Variants in PCBP3 observed in about 807,000 individuals in gnomAD.
The protein encoded by PCBP3 is poly(rC) binding protein 3.
Under a neutral mutation model 52.7 loss-of-function variants are expected in PCBP3, and 25 were observed. The observed-to-expected ratio is 0.47, with a 90% CI of 0.35 to 0.66. The LOEUF is 0.66. PCBP3 is among the 30% of genes least tolerant of loss of function. The pLI is 0.01. For synonymous variants in PCBP3, 162 were observed against 183.0 expected, an observed-to-expected ratio of 0.89 and a Z score of 0.93; for missense variants, 391 against 490.3, an observed-to-expected ratio of 0.80 and a Z score of 1.91.
chr21:45,809,354 C>A (rs1052106741), intron 4 of PCBP3, among the ~76,000 whole-genome samples: 16 of 152,144 alleles, frequency 1.1e-4, no homozygotes, highest in Non-Finnish European at 1.9e-4. Context: ...TTAGGAAAAC[C>A]ATTTCCACTC....
At chr21:45,770,133 C>T (rs545778545) in intron 4 of PCBP3, among the ~76,000 whole-genome samples, 3 of 152,324 alleles carry the variant, frequency 2.0e-5, no homozygotes, top group East Asian at 1.9e-4. Flanking sequence ...TCCTTGTGTC[C>T]GTCTGAACGG....
chr21:45,697,728 C>A (rs1394854516), intron 2 of PCBP3, among the ~76,000 whole-genome samples: 2 of 149,968 alleles, frequency 1.3e-5, no homozygotes, highest in African/African-American at 4.9e-5. Flanking sequence ...GCACTCCAGC[C>A]TGGGCAACAG....
At chr21:45,824,263 G>A (rs1171937080) in intron 4 of PCBP3, among the ~76,000 whole-genome samples, 1 of 152,152 alleles carries the variant, frequency 6.6e-6, no homozygotes, top group Admixed American at 6.5e-5. Flanking sequence ...GCCCTCAGGT[G>A]CAAGTCCCTT....
At chr21:45,683,553 AGATTCTC>A (rs1371650116) in intron 2 of PCBP3, among the ~76,000 whole-genome samples, 1 of 152,228 alleles carries the variant, frequency 6.6e-6, no homozygotes, top group Non-Finnish European at 1.5e-5. Context: ...ATGGAATGGC[AGATTCTC>A]TACAAAGTCA....
chr21:45,842,820 G>A (rs1245381064), intron 4 of PCBP3, among the ~76,000 whole-genome samples: 1 of 152,210 alleles, frequency 6.6e-6, no homozygotes, highest in Non-Finnish European at 1.5e-5. Flanking sequence ...GGAAGCCGAG[G>A]CTCTCAGCTC....
At chr21:45,906,027 G>A (rs1046294144) in intron 9 of PCBP3, among the ~76,000 whole-genome samples, 8 of 152,192 alleles carry the variant, frequency 5.3e-5, no homozygotes, top group South Asian at 2.1e-4. Context: ...GAACTGAATC[G>A]CTAGGGAGAT....
rs1239353743 is a variant in PCBP3, at chr21:45,656,493, G to A, written c.-278-12381G>A. Among the ~76,000 whole-genome samples, 1 of 152,136 alleles carries A rather than the reference G, an allele frequency of 6.6e-6. No homozygotes were observed. Among genetic ancestry groups the A allele is most frequent in the African/African-American group, 2.4e-5 (1 of 41,404 alleles). ...GAACATCATACACCAGGGCCTGTCG[G>A]TGGTGGGGGCCTAGGGGAGGGATAG... On this transcript the variant is annotated intron_variant, in intron 1 of 17. Transcript: ENST00000681687. This position sits in a 1 kb window ranked among gnomAD's most constrained non-coding sequence, Gnocchi z 4.3.
intron 4 of PCBP3, among the ~76,000 whole-genome samples, chr21:45,783,242 G>A (rs2090779613): frequency 1.3e-5 from 2 of 152,248 alleles, no homozygotes; most frequent in African/African-American, 2.4e-5. Context: ...TTCCATGTGC[G>A]ATTGGCCATT....
In PCBP3 at chr21:45,896,253, G is replaced by T; in HGVS notation, c.56G>T (p.Ser19Ile). 1 of 1,552,168 alleles carries T rather than the reference G, an allele frequency of 6.4e-7. No individual in the cohort carries two copies. The highest frequency in any genetic ancestry group is 8.7e-7 in the Non-Finnish European group (1 of 1,147,104). The change falls in exon 6 of 18, where the codon AGC (serine) becomes ATC (isoleucine). Residue 19 changes from serine to isoleucine, a missense_variant. By Grantham distance (142) the Ser-to-Ile change is moderately radical. Coordinates refer to ENST00000681687, the MANE Select transcript of PCBP3 (RefSeq NM_001384156.1). ...APSVLPHSTL[S>I]TLSHHPQPQF... ...TCTGTCCTTCCTCACAGCACCCTCA[G>T]CACCTTAAGCCACCACCCTCAGCCA...
chr21:45,906,977 G>A (rs975507096), intron 9 of PCBP3, among the ~76,000 whole-genome samples: 3 of 152,238 alleles, frequency 2.0e-5, no homozygotes, highest in Admixed American at 2.0e-4. Context: ...GATGCAGGAA[G>A]AGCCGCAGTG....
At chr21:45,911,110 C>G (rs2096381055) in intron 11 of PCBP3, 80 bp downstream of exon 11, 2 of 1,520,558 alleles carry the variant, frequency 1.3e-6, no homozygotes, top group South Asian at 1.1e-5. Flanking sequence ...CTTGGAAGCC[C>G]CGGTCGCCCC....
At chr21:45,910,746 C>T (rs1262069553) in intron 10 of PCBP3, among the ~76,000 whole-genome samples, 156 bp from the exon 11 acceptor site, 2 of 152,032 alleles carry the variant, frequency 1.3e-5, no homozygotes, top group African/African-American at 2.4e-5. Context: ...AGCATGGGGG[C>T]AGTGCTGGGA....
intron 2 of PCBP3, among the ~76,000 whole-genome samples, chr21:45,728,471 A>T (rs2085221006): frequency 6.6e-6 from 1 of 152,080 alleles, no homozygotes; most frequent in Non-Finnish European, 1.5e-5. Context: ...ATATTGTTGG[A>T]TTTTTATATG....
chr21:45,818,189 A>AT (rs200935447), intron 4 of PCBP3, among the ~76,000 whole-genome samples: 2,730 of 152,032 alleles, frequency 0.018, 84 homozygotes, highest in African/African-American at 0.061. Context: ...AGCCTGGCTG[A>AT]TTTTTTGTAT....
chr21:45,746,263 C>A (rs2086863617), intron 3 of PCBP3, among the ~76,000 whole-genome samples: 1 of 26,968 alleles, frequency 3.7e-5, no homozygotes, highest in Non-Finnish European at 6.5e-5. Flanking sequence ...ACGTAGCGCA[C>A]ACGGTGTTGT....
At chr21:45,893,829 T>A in intron 5 of PCBP3, 1 of 985,360 alleles carries the variant, frequency 1.0e-6, no homozygotes, top group Non-Finnish European at 1.2e-6. Context: ...AAACGGCCAG[T>A]CCCATGGGGC....
chr21:45,833,640 C>T (rs990371094), intron 4 of PCBP3, among the ~76,000 whole-genome samples: 2 of 152,210 alleles, frequency 1.3e-5, no homozygotes, highest in African/African-American at 2.4e-5. Context: ...CCCCTGAGCA[C>T]GACTGGATGG....
At chr21:45,744,202 T>A (rs2086660951) in intron 3 of PCBP3, 1 of 152,026 alleles carries the variant, frequency 6.6e-6, no homozygotes, top group African/African-American at 2.4e-5. Context: ...TTTAACTTAA[T>A]TTAATTTTTC....
At chr21:45,650,115 G>T (rs139678018) in intron 1 of PCBP3, among the ~76,000 whole-genome samples, 1 of 151,532 alleles carries the variant, frequency 6.6e-6, no homozygotes, top group South Asian at 2.1e-4. Flanking sequence ...TCATTTGAGC[G>T]CAGGAGTTCA....
Sources: allele counts gnomAD v4.1 joint callset (sites outside exome capture counted in the v4.1 genomes callset), GRCh38; gene constraint gnomAD v4.1.1; non-coding constraint Gnocchi (gnomAD v3.1); transcripts MANE v1.5; gene names NCBI Gene and HGNC (gene_info 2026-07-23, HGNC 2026-07-21).